The following MORN3 variants were observed in gnomAD, a reference collection of about 807,000 sequenced individuals.
MORN3 encodes the protein MORN repeat containing 3.
A neutral mutation model predicts 34.7 loss-of-function variants in MORN3; 38 were observed. That is an observed-to-expected ratio of 1.10 (90% CI 0.85 to 1.44). MORN3 has a LOEUF of 1.44. Ranked by LOEUF, MORN3 falls within the 40% of genes most tolerant of loss-of-function variation. The pLI, the probability that MORN3 is intolerant of heterozygous loss-of-function variation, is 0.00. For synonymous variants in MORN3, 109 were observed against 115.3 expected (o/e 0.95, Z 0.35); for missense variants, 311 against 321.7 (o/e 0.97, Z 0.25).
chr12:121,665,863 C>T (rs1425021693), intron 1 of MORN3, among the ~76,000 whole-genome samples: 1 of 151,420 alleles, frequency 6.6e-6, no homozygotes, highest in Non-Finnish European at 1.5e-5. Context: ...CAACAGAAAC[C>T]ATACTGCACT....
In MORN3 at chr12:121,652,740, T is replaced by C; in HGVS notation, c.717A>G (p.Gly239=). The C allele has an allele frequency of 6.2e-7, 1 of 1,614,118 alleles. No individual in the cohort carries two copies. Among genetic ancestry groups the C allele is most frequent in the Non-Finnish European group, 8.5e-7 (1 of 1,179,984 alleles). The change falls in exon 5 of 6, where the codon GGA becomes GGG. Residue 239 remains glycine, a synonymous_variant. Transcript: ENST00000355329. ...ALAMFRKTEE[G]D is the part of the protein sequence containing the mutation. ...GCCCACCCCTCACCTGGCATCAATCTCCTTCCTCTGTCTTCCTGAACATGG... is the reference window on the plus strand; with the variant it reads ...GCCCACCCCTCACCTGGCATCAATCCCCTTCCTCTGTCTTCCTGAACATGG...
At chr12:121,656,727 G>A (rs1256076630) in intron 2 of MORN3, among the ~76,000 whole-genome samples, 4 of 151,902 alleles carry the variant, frequency 2.6e-5, no homozygotes, top group African/African-American at 9.7e-5. Flanking sequence ...CACCATGTTG[G>A]CCAGGCTAGT....
intron 1 of MORN3, among the ~76,000 whole-genome samples, chr12:121,664,735 G>A (rs1244892491): frequency 6.6e-6 from 1 of 152,068 alleles, no homozygotes; most frequent in Non-Finnish European, 1.5e-5. Flanking sequence ...TGCTAGGGGG[G>A]CGGAGTCAGC....
chr12:121,667,641 C>A (rs913418979), intron 1 of MORN3, among the ~76,000 whole-genome samples: 8 of 152,110 alleles, frequency 5.3e-5, no homozygotes, highest in Non-Finnish European at 1.2e-4. Flanking sequence ...CAGGTATATT[C>A]TCTGCTCCAG....
At chr12:121,669,843 T>TA (rs1893903601), upstream of MORN3, among the ~76,000 whole-genome samples, 2 of 140,078 alleles carry the variant, frequency 1.4e-5, no homozygotes, top group South Asian at 2.1e-4. Flanking sequence ...TTTTTTTTTT[T>TA]ATGTCTTCTA....
rs113776483 is a variant in MORN3, at chr12:121,668,332, C to T, written c.145+1007G>A. ...CCGAGGCGGGCGGATCACTCGAGGT[C>T]GGGAGTTCAAGACCAGCCTGACCAA... On this transcript the variant is annotated intron_variant, in intron 1 of 5. Transcript: ENST00000355329. 9.5e-3 allele frequency among the ~76,000 whole-genome samples: 1,449 copies of T among 151,768 alleles called. 12 individuals are homozygous for T. The highest frequency in any genetic ancestry group is 0.017 in the Middle Eastern group (5 of 294).
intron 2 of MORN3, among the ~76,000 whole-genome samples, chr12:121,658,699 A>G (rs782024629): frequency 2.6e-5 from 4 of 151,482 alleles, no homozygotes; most frequent in Non-Finnish European, 2.9e-5. Context: ...GTGGGAGTAG[A>G]TGGAGGGAAC....
intron 1 of MORN3, among the ~76,000 whole-genome samples, chr12:121,668,744 TG>T (rs1272883016): frequency 6.6e-6 from 1 of 152,130 alleles, no homozygotes; most frequent in Non-Finnish European, 1.5e-5. Context: ...GTACAGAGTC[TG>T]GAATTGCAAG....
At chr12:121,656,187 C>A (rs1189387744) in intron 2 of MORN3, among the ~76,000 whole-genome samples, 1 of 152,200 alleles carries the variant, frequency 6.6e-6, no homozygotes, top group East Asian at 1.9e-4. Context: ...TCTCCTCACT[C>A]CTGTCCCAGG....
At chr12:121,663,308 C>A (rs979166863) in intron 1 of MORN3, among the ~76,000 whole-genome samples, 1 of 151,604 alleles carries the variant, frequency 6.6e-6, no homozygotes, top group Non-Finnish European at 1.5e-5. Context: ...AAGCGATTCT[C>A]CTGTCTCAGC....
chr12:121,649,477 A>G lies in MORN3; in HGVS notation c.*2174T>C, dbSNP rs1462162647. 1.3e-5 allele frequency: 2 copies of G among 152,114 alleles called. No individual in the cohort carries two copies. The highest frequency in any genetic ancestry group is 2.9e-5 in the Non-Finnish European group (2 of 68,044). 9.4% of individuals were successfully genotyped at this position (152,114 alleles called of 1,614,324 possible). A position where few individuals can be genotyped will look rare whatever the true frequency, so the allele number is the denominator to read the frequency against. On this transcript the variant is annotated 3_prime_UTR_variant, in exon 6 of 6. Coordinates refer to ENST00000355329, the MANE Select transcript of MORN3 (RefSeq NM_173855.5). The stretch of plus-strand genomic sequence containing the variant: ...CGGCCTGGAATAGAGTGAGTGCTCC[A>G]TATCTGGAAGTTATGATTAATTCTG...
At chr12:121,662,880 G>T (rs1893627568) in intron 1 of MORN3, among the ~76,000 whole-genome samples, 1 of 151,988 alleles carries the variant, frequency 6.6e-6, no homozygotes, top group South Asian at 2.1e-4. Flanking sequence ...CAGCTACTTG[G>T]GAGGTTGGAG....
chr12:121,665,481 GTC>G (rs1893724405), intron 1 of MORN3, among the ~76,000 whole-genome samples: 1 of 150,616 alleles, frequency 6.6e-6, no homozygotes, highest in Non-Finnish European at 1.5e-5. Context: ...AAAACGCGAG[GTC>G]TTGGCCGGGC....
intron 1 of MORN3, among the ~76,000 whole-genome samples, chr12:121,666,819 T>C (rs1399135268): frequency 3.3e-5 from 5 of 152,092 alleles, no homozygotes; most frequent in South Asian, 2.1e-4. Flanking sequence ...ATGGGTGTTA[T>C]GGGACATGAA....
chr12:121,669,368 A>G lies in MORN3; in HGVS notation c.116T>C (p.Val39Ala). 2 of 1,613,784 alleles carry G rather than the reference A, an allele frequency of 1.2e-6. No homozygotes were observed. The highest frequency in any genetic ancestry group is 1.7e-6 in the Non-Finnish European group (2 of 1,179,834). ...TTTCACGTTGTCCTTCCACTCGCCC[A>G]CATAGTAGTCGCCATTCACAGCGTA... ...QVYAVNGDYY[V>A]GEWKDNVKHG... Residue 39 changes from valine (V) to alanine (A), a missense_variant, in exon 1 of 6, where the codon GTG (valine) becomes GCG (alanine). Physicochemically the swap from Val to Ala is moderately conservative, Grantham distance 64. Coordinates refer to ENST00000355329, the MANE Select transcript of MORN3 (RefSeq NM_173855.5).
At chr12:121,653,399 G>T in intron 3 of MORN3, 140 bp from the exon 4 acceptor site, 2 of 876,742 alleles carry the variant, frequency 2.3e-6, no homozygotes, top group South Asian at 1.8e-5. Context: ...AGGAGATCAA[G>T]ACCAGCCTGA....
chr12:121,671,121 A>AG (rs1218383805), upstream of MORN3, among the ~76,000 whole-genome samples: 1 of 148,864 alleles, frequency 6.7e-6, no homozygotes, highest in East Asian at 2.0e-4. Flanking sequence ...TCAAAAAAAA[A>AG]AAAAGACTGG....
In MORN3 at chr12:121,659,423, A is replaced by G. The variant is rs547460523; in HGVS notation, c.146-75T>C. 16 of 1,549,244 alleles carry G rather than the reference A, an allele frequency of 1.0e-5. No individual in the cohort carries two copies. The South Asian group carries it at 1.4e-4, about 14-fold the overall frequency. ...GGGGTGGTGTGCCTGCCTGAGCCTC[A>G]GGGGCCCCCAACTAGACGAATCTAG... On this transcript the variant is annotated intron_variant, in intron 1 of 5. Transcript: ENST00000355329.
At chr12:121,659,455 G>GTCCCAGCTCTCTA in intron 1 of MORN3, 107 bp from the exon 2 acceptor site, 1 of 1,124,804 alleles carries the variant, frequency 8.9e-7, no homozygotes, top group Non-Finnish European at 1.3e-6. Context: ...CTAGAGAGCT[G>GTCCCAGCTCTCTA]GGACAGGCTC....
Sources: allele counts gnomAD v4.1 joint callset (sites outside exome capture counted in the v4.1 genomes callset), GRCh38; gene constraint gnomAD v4.1.1; transcripts MANE v1.5; gene names NCBI Gene and HGNC (gene_info 2026-07-23, HGNC 2026-07-21).